ARFGEF1: variants seen among roughly 807,000 people sequenced by gnomAD.
ARFGEF1 encodes ARF guanine nucleotide exchange factor 1.
ARFGEF1 carries 42 observed loss-of-function variants against 231.0 expected under a neutral mutation model. The observed-to-expected ratio is 0.18, with a 90% CI of 0.14 to 0.24. ARFGEF1 has a LOEUF of 0.24. Ranked by LOEUF, ARFGEF1 falls within the 10% of genes least tolerant of loss-of-function variation. The probability of loss-of-function intolerance (pLI) is 1.00; values close to 1 mark genes in which losing one functional copy is unlikely to be tolerated. For missense variants in ARFGEF1, 1,345 were observed against 2,192.0 expected (o/e 0.61, Z 7.72); for synonymous variants, 710 against 732.3 (o/e 0.97, Z 0.49).
chr8:67,204,817 A>G lies in ARFGEF1; in HGVS notation c.4822T>C (p.Phe1608Leu), dbSNP rs753899026. The G allele has an allele frequency of 5.0e-6, 8 of 1,613,746 alleles. No homozygotes were observed. In the South Asian group the frequency reaches 8.8e-5, roughly 18 times the overall value. Residue 1608 changes from phenylalanine to leucine, a missense_variant and splice_region_variant, in exon 35 of 39, where the codon TTT becomes CTT. Coordinates refer to ENST00000262215, the MANE Select transcript of ARFGEF1 (RefSeq NM_006421.5). ...GCAGCAAACAATTTTTGTTCTGGAA[A>G]TTCTGTGAGGAAACCCCCCCCAATG... ...EVSKIKSTAK[F>L]PEQKLFAALL...
rs200034049 is a variant in ARFGEF1, at chr8:67,277,064, AC to A, written c.1203+217del. On this transcript the variant is annotated intron_variant, in intron 8 of 38. Transcript: ENST00000262215. ...GAAGATGTAAACATAGATGAGACCT[AC>A]CTTAAAGTTGGAAATGTAACTATCA... 8.4e-3 allele frequency among the ~76,000 whole-genome samples: 1,281 copies of A among 152,238 alleles called. 18 individuals are homozygous for A. The highest frequency in any genetic ancestry group is 0.029 in the African/African-American group (1,217 of 41,550).
chr8:67,238,966 C>T, intron 20 of ARFGEF1, 73 bp from the exon 21 acceptor site: 1 of 1,166,978 alleles, frequency 8.6e-7, no homozygotes, highest in Non-Finnish European at 1.2e-6. Context: ...CCAACAAACT[C>T]TGTTTACTTG....
chr8:67,192,436 C>T (rs1396303319), intron 5 of ARFGEF1, among the ~76,000 whole-genome samples: 1 of 152,166 alleles, frequency 6.6e-6, no homozygotes, highest in Non-Finnish European at 1.5e-5. Context: ...TTTACATTCT[C>T]ACTACAAGTC....
At chr8:67,203,053 A>G (rs1838390188) in intron 36 of ARFGEF1, 30 bp downstream of exon 36, 15 of 1,594,840 alleles carry the variant, frequency 9.4e-6, no homozygotes, top group Non-Finnish European at 1.3e-5. Flanking sequence ...ATCAACAGTA[A>G]ACATTAAATG....
chr8:67,218,734 T>A (rs968576202), intron 30 of ARFGEF1, among the ~76,000 whole-genome samples: 1 of 152,148 alleles, frequency 6.6e-6, no homozygotes, highest in Non-Finnish European at 1.5e-5. Flanking sequence ...CTTGACACAT[T>A]TCCTAAAATG....
At position 67,232,956 on chromosome 8, in the gene ARFGEF1, TA is replaced by T. The variant is rs534086965; in HGVS notation, c.3290-12del. 3.1e-3 allele frequency: 4,922 copies of T among 1,587,122 alleles called. 7 individuals are homozygous for T. Among genetic ancestry groups the T allele is most frequent in the Non-Finnish European group, 3.8e-3 (4,419 of 1,162,772 alleles). ...CCACATTTCCTCCAACTACCACACA[TA>T]AAAAAAAGTCATTTCAGTTTGAAAA... On this transcript the variant is annotated splice_polypyrimidine_tract_variant and intron_variant, in intron 22 of 38. Coordinates refer to ENST00000262215, the MANE Select transcript of ARFGEF1 (RefSeq NM_006421.5).
intron 1 of ARFGEF1, among the ~76,000 whole-genome samples, chr8:67,332,060 A>C (rs1318423422): frequency 6.6e-6 from 1 of 152,218 alleles, no homozygotes; most frequent in Non-Finnish European, 1.5e-5. Flanking sequence ...AAAAATATTT[A>C]AACAAATGAC....
At position 67,211,551 on chromosome 8, in the gene ARFGEF1, C is replaced by A; in HGVS notation, c.4751G>T (p.Arg1584Ile). The A allele has an allele frequency of 6.3e-7, 1 of 1,588,632 alleles. No homozygotes were observed. The highest frequency in any genetic ancestry group is 8.6e-7 in the Non-Finnish European group (1 of 1,167,476). Reference protein sequence around the residue: ...DSIQPRSVDNRPQAPLVSASA... With the variant: ...DSIQPRSVDNIPQAPLVSASA... Reference sequence around the variant, plus strand: ...CGCAGAAACCAGTGGTGCTTGTGGTCTGTTATCCACAGACCTTGGTTGAAT... The same window carrying A: ...CGCAGAAACCAGTGGTGCTTGTGGTATGTTATCCACAGACCTTGGTTGAAT... The change falls in exon 34 of 39, where the codon AGA becomes ATA. Residue 1584 changes from arginine to isoleucine, a missense_variant. This residue lies in a region of ARFGEF1 where 89 missense variants were observed against 74.8 expected (regional missense o/e 1.19). Coordinates refer to ENST00000262215, the MANE Select transcript of ARFGEF1 (RefSeq NM_006421.5).
At chr8:67,174,418 T>A (rs1255332800), downstream of ARFGEF1, 1 of 152,186 alleles carries the variant, frequency 6.6e-6, no homozygotes, top group East Asian at 1.9e-4. Flanking sequence ...GAATAATATT[T>A]TCAAGGCTTT....
chr8:67,201,544 C>G lies in ARFGEF1; in HGVS notation c.5190G>C (p.Gly1730=). 1 of 1,613,608 alleles carries G rather than the reference C, an allele frequency of 6.2e-7. No homozygotes were observed. Among genetic ancestry groups the G allele is most frequent in the Non-Finnish European group, 8.5e-7 (1 of 1,179,844 alleles). ...LKQETSSLAC[G]LRILFRMYMD... Reference sequence around the variant, plus strand: ...TGTACATCCGGAAGAGAATGCGCAGCCCACAGGCCAGGCTGCTGGTCTCCT... The same window carrying G: ...TGTACATCCGGAAGAGAATGCGCAGGCCACAGGCCAGGCTGCTGGTCTCCT... The change falls in exon 37 of 39, where the codon GGG becomes GGC. Residue 1730 remains glycine, a synonymous_variant. Coordinates refer to ENST00000262215, the MANE Select transcript of ARFGEF1 (RefSeq NM_006421.5).
intron 5 of ARFGEF1, among the ~76,000 whole-genome samples, chr8:67,180,895 T>A (rs552456509): frequency 6.6e-6 from 1 of 152,300 alleles, no homozygotes; most frequent in East Asian, 1.9e-4. Context: ...GATTATGTAC[T>A]CTGATCATGA....
intron 1 of ARFGEF1, among the ~76,000 whole-genome samples, chr8:67,303,260 A>G (rs1361191378): frequency 6.6e-6 from 1 of 152,190 alleles, no homozygotes; most frequent in Non-Finnish European, 1.5e-5. Context: ...CTTCTTAAAT[A>G]TGTTTGTGCA....
At chr8:67,183,415 C>G (rs1381730425) in intron 5 of ARFGEF1, among the ~76,000 whole-genome samples, 2 of 152,156 alleles carry the variant, frequency 1.3e-5, no homozygotes, top group African/African-American at 2.4e-5. Context: ...CAAACCTTAA[C>G]AGATGTAAAA....
At position 67,197,996 on chromosome 8, in the gene ARFGEF1, A is replaced by C. The variant is rs974081578; in HGVS notation, c.*938T>G. On this transcript the variant is annotated 3_prime_UTR_variant, in exon 39 of 39. Transcript: ENST00000262215. ...TAGAGTAAAATCTACATCAAGCCCC[A>C]CCACCCAAAAGAAAAGAAAATGACA... 1.4e-5 allele frequency: 14 copies of C among 985,854 alleles called. No homozygotes were observed. The highest frequency in any genetic ancestry group is 1.7e-5 in the Non-Finnish European group (14 of 829,926). The allele number at this position is 985,854 out of a possible 1,614,324, so 61.1% of individuals were successfully genotyped here. A position where few individuals can be genotyped will look rare whatever the true frequency, so the allele number is the denominator to read the frequency against.
At chr8:67,221,811 T>C (rs1463786850) in intron 29 of ARFGEF1, among the ~76,000 whole-genome samples, 2 of 151,544 alleles carry the variant, frequency 1.3e-5, no homozygotes, top group Non-Finnish European at 2.9e-5. Flanking sequence ...TGTTGCTTTT[T>C]TTTTTCTTTC....
rs373946431 is a variant in ARFGEF1, at chr8:67,227,527, G to A, written c.3663C>T (p.Phe1221=). 1.4e-5 allele frequency: 22 copies of A among 1,612,860 alleles called. No individual in the cohort carries two copies. The highest frequency in any genetic ancestry group is 2.7e-5 in the African/African-American group (2 of 74,814). The part of the protein sequence containing the change: ...VDSLRQLSMK[F]LEKGELANFR... ...AGTTAGCAAGCTCCCCTTTCTCTAA[G>A]AACTTCATTGACAACTGCCTCAAGG... The change falls in exon 26 of 39, where the codon TTC becomes TTT. Residue 1221 remains phenylalanine (F), a synonymous_variant. Coordinates refer to ENST00000262215, the MANE Select transcript of ARFGEF1 (RefSeq NM_006421.5).
chr8:67,178,622 GC>G (rs2129570086), intron 5 of ARFGEF1, among the ~76,000 whole-genome samples: 1 of 152,286 alleles, frequency 6.6e-6, no homozygotes, highest in Non-Finnish European at 1.5e-5. Context: ...GGGCATGGGG[GC>G]TCACTGGGTA....
downstream of ARFGEF1, among the ~76,000 whole-genome samples, chr8:67,196,983 T>A (rs1477934375): frequency 6.6e-6 from 1 of 152,192 alleles, no homozygotes; most frequent in Non-Finnish European, 1.5e-5. Flanking sequence ...AACACAACCA[T>A]GTTAGATGAT....
intron 35 of ARFGEF1, among the ~76,000 whole-genome samples, chr8:67,204,401 T>TGC (rs1178602762): frequency 1.3e-5 from 2 of 152,042 alleles, no homozygotes; most frequent in African/African-American, 4.8e-5. Context: ...TGCTTCCCCG[T>TGC]GCCTCCCCAT....
Sources: gnomAD v4.1 joint callset for allele counts (sites outside exome capture counted in the v4.1 genomes callset) on GRCh38, gnomAD v4.1.1 for gene constraint, gnomAD v4.1.1 regional missense constraint, MANE v1.5 for transcripts, NCBI Gene and HGNC (gene_info 2026-07-23, HGNC 2026-07-21) for gene names.